EPHA2: variants seen among roughly 807,000 people sequenced by gnomAD.
The protein encoded by EPHA2 is EPH receptor A2.
EPHA2 carries 54 observed loss-of-function variants against 104.9 expected under a neutral mutation model. The ratio of observed to expected loss-of-function variants is 0.51; its 90% CI spans 0.41 to 0.65. The LOEUF (loss-of-function observed/expected upper bound fraction) is 0.65. EPHA2 is among the 30% of genes least tolerant of loss of function. The probability of loss-of-function intolerance (pLI) is 0.00; values close to 1 mark genes in which losing one functional copy is unlikely to be tolerated. For missense variants in EPHA2, 1,117 were observed against 1,369.5 expected (o/e 0.82, Z 2.91); for synonymous variants, 560 against 559.1 (o/e 1.00, Z -0.02).
In EPHA2 at chr1:16,133,352, C is replaced by T. The variant is rs1173649630; in HGVS notation, c.1881G>A (p.Val627=). Residue 627 remains valine, a synonymous_variant, in exon 11 of 17, where the codon GTG becomes GTA. Transcript: ENST00000358432. ...KVIGAGEFGE[V]YKGMLKTSSG... is the part of the protein sequence containing the mutation. ...AGGATGTCTTCAGCATGCCCTTGTA[C>T]ACCTCCCCAAACTCTCCTGTGGGCA... 1.2e-6 allele frequency: 2 copies of T among 1,613,860 alleles called. No individual in the cohort carries two copies. Among genetic ancestry groups the T allele is most frequent in the Admixed American group, 1.7e-5 (1 of 60,016 alleles).
intron 5 of EPHA2, among the ~76,000 whole-genome samples, chr1:16,136,701 AG>A (rs1376668792): frequency 1.0e-5 from 1 of 96,696 alleles, no homozygotes; most frequent in Non-Finnish European, 1.8e-5. Context: ...AGGAAGAAGA[AG>A]AAGAAGAAGA....
chr1:16,132,509 G>T lies in EPHA2; in HGVS notation c.2054-70C>A, dbSNP rs372370904. ...TGTGGGAGAGGTGGGCACAGATATG[G>T]GGGAAGGTGGGCACAGGTGTAGGAG... On this transcript the variant is annotated intron_variant, in intron 11 of 16. Coordinates refer to ENST00000358432, the MANE Select transcript of EPHA2 (RefSeq NM_004431.5). The T allele has an allele frequency of 1.9e-5, 30 of 1,561,616 alleles. No individual in the cohort carries two copies. In the African/African-American group the frequency reaches 3.4e-4, roughly 18 times the overall value.
At position 16,131,742 on chromosome 1, in the gene EPHA2, G is replaced by T; in HGVS notation, c.2454C>A (p.Tyr818Ter). The T allele has an allele frequency of 6.2e-7, 1 of 1,614,120 alleles. No homozygotes were observed. The highest frequency in any genetic ancestry group is 8.5e-7 in the Non-Finnish European group (1 of 1,180,032). ...CCACCTCGTGGTTGGACAACTCCCA[G>T]TAGGGCCGCTCGCCATAGGTCATCA... ...WEVMTYGERP[Y>*]WELSNHEVMK... The change falls in exon 14 of 17, where the codon TAC becomes TAA. Residue 818 changes from tyrosine to a stop codon, truncating the protein, a stop_gained. Transcript: ENST00000358432. LOFTEE classifies it high-confidence loss of function. This position sits in a 1 kb window ranked among gnomAD's most constrained non-coding sequence, Gnocchi z 5.2.
At chr1:16,129,391 G>A in intron 16 of EPHA2, 43 bp downstream of exon 16, 5 of 1,602,826 alleles carry the variant, frequency 3.1e-6, no homozygotes, top group Non-Finnish European at 4.2e-6. Flanking sequence ...CCTCTGGAGT[G>A]GGAGGCGGGA....
chr1:16,144,058 T>C (rs2024881235), intron 3 of EPHA2, among the ~76,000 whole-genome samples: 1 of 152,164 alleles, frequency 6.6e-6, no homozygotes, highest in African/African-American at 2.4e-5. Flanking sequence ...CTACCGCTCC[T>C]GTCCTGCCTC....
Position 16,134,691 on chromosome 1 carries a change from A to C in EPHA2, c.1583-124T>G. The C allele has an allele frequency of 9.6e-7, 1 of 1,043,620 alleles. No homozygotes were observed. Among genetic ancestry groups the C allele is most frequent in the South Asian group, 1.4e-5 (1 of 73,792 alleles). The allele number at this position is 1,043,620 out of a possible 1,614,324, so 64.6% of individuals were successfully genotyped here. On this transcript the variant is annotated intron_variant, in intron 7 of 16. Coordinates refer to ENST00000358432, the MANE Select transcript of EPHA2 (RefSeq NM_004431.5). The surrounding 1 kb of genome is among the most constrained non-coding windows in gnomAD (Gnocchi z 4.5). ...GTGCTTGCACTTGGGAAGGCTCCAGAGGGTACTTAGTCCCATTTCATAGAC... is the reference window on the plus strand; with the variant it reads ...GTGCTTGCACTTGGGAAGGCTCCAGCGGGTACTTAGTCCCATTTCATAGAC...
chr1:16,132,028 G>C (rs760467591), intron 13 of EPHA2, 36 bp downstream of exon 13: 2 of 1,613,576 alleles, frequency 1.2e-6, no homozygotes, highest in Non-Finnish European at 1.7e-6. Context: ...CAGGGCGAAG[G>C]CCGCTTCTCC....
chr1:16,127,889 A>G (rs1347729980), intron 16 of EPHA2, among the ~76,000 whole-genome samples: 1 of 152,190 alleles, frequency 6.6e-6, no homozygotes, highest in Admixed American at 6.5e-5. Context: ...ATTGGCGAGG[A>G]GCACCCTGGG....
chr1:16,147,007 C>T (rs2024946167), intron 3 of EPHA2, among the ~76,000 whole-genome samples: 1 of 152,234 alleles, frequency 6.6e-6, no homozygotes, highest in Admixed American at 6.5e-5. Flanking sequence ...AAAGAAGCTG[C>T]CAGAGAGAGG....
At chr1:16,126,757 G>C (rs1315048978) in intron 16 of EPHA2, among the ~76,000 whole-genome samples, 2 of 152,192 alleles carry the variant, frequency 1.3e-5, no homozygotes, top group East Asian at 3.8e-4. Flanking sequence ...GGGGCAAGGA[G>C]TCTGCATTTG....
chr1:16,134,690 G>A lies in EPHA2; in HGVS notation c.1583-123C>T. On this transcript the variant is annotated intron_variant, in intron 7 of 16. Transcript: ENST00000358432. This position sits in a 1 kb window ranked among gnomAD's most constrained non-coding sequence, Gnocchi z 4.5. ...GGTGCTTGCACTTGGGAAGGCTCCA[G>A]AGGGTACTTAGTCCCATTTCATAGA... 9.4e-7 allele frequency: 1 copy of A among 1,064,100 alleles called. No individual in the cohort carries two copies. Among genetic ancestry groups the A allele is most frequent in the East Asian group, 2.6e-5 (1 of 38,732 alleles). 65.9% of individuals were successfully genotyped at this position (1,064,100 alleles called of 1,614,324 possible). A position where few individuals can be genotyped will look rare whatever the true frequency, so the allele number is the denominator to read the frequency against.
Position 16,131,134 on chromosome 1 carries a change from A to G in EPHA2, c.2475+587T>C, listed in dbSNP as rs1185395126. Among the ~76,000 whole-genome samples, 1 of 152,156 alleles carries G rather than the reference A, an allele frequency of 6.6e-6. No homozygotes were observed. The highest frequency in any genetic ancestry group is 1.5e-5 in the Non-Finnish European group (1 of 68,030). The stretch of plus-strand genomic sequence containing the variant: ...ACCAAGCACACAGACACACACACAC[A>G]TGCATGCATGCACATGTGCACACAT... On this transcript the variant is annotated intron_variant, in intron 14 of 16. Transcript: ENST00000358432. The surrounding 1 kb of genome is among the most constrained non-coding windows in gnomAD (Gnocchi z 5.2).
In EPHA2 at chr1:16,125,472, C is replaced by A; in HGVS notation, c.2826-152G>T. ...GAGGGTGCCTTGGGGACCTGTAGGG[C>A]AAGAGAGCTCTGGTTAGGTAGGCCT... is the stretch of plus-strand genomic sequence containing the variant. On this transcript the variant is annotated intron_variant, in intron 16 of 16. Transcript: ENST00000358432. This position sits in a 1 kb window ranked among gnomAD's most constrained non-coding sequence, Gnocchi z 4.9. 3.2e-6 allele frequency: 2 copies of A among 627,570 alleles called. No individual in the cohort carries two copies. The highest frequency in any genetic ancestry group is 2.8e-6 in the Non-Finnish European group (1 of 359,906). The allele number at this position is 627,570 out of a possible 1,614,324, so 38.9% of individuals were successfully genotyped here. A position where few individuals can be genotyped will look rare whatever the true frequency, so the allele number is the denominator to read the frequency against.
At chr1:16,151,633 C>G (rs1222763959) in intron 1 of EPHA2, among the ~76,000 whole-genome samples, 1 of 152,154 alleles carries the variant, frequency 6.6e-6, no homozygotes, top group Non-Finnish European at 1.5e-5. Flanking sequence ...CAGGATAAAG[C>G]CCTGGACCCA....
In EPHA2 at chr1:16,124,976, G is replaced by C; in HGVS notation, c.*239C>G. The C allele has an allele frequency of 5.5e-6, 3 of 545,136 alleles. No homozygotes were observed. The South Asian group carries it at 6.4e-5, about 12-fold the overall frequency. The allele number at this position is 545,136 out of a possible 1,614,324, so 33.8% of individuals were successfully genotyped here. On this transcript the variant is annotated 3_prime_UTR_variant, in exon 17 of 17. Coordinates refer to ENST00000358432, the MANE Select transcript of EPHA2 (RefSeq NM_004431.5). ...TGCTCCAGGGATGCTGGGACGTGGC[G>C]GTGCCTGCTAAGTGCTCAGCTGTGT...
Position 16,135,445 on chromosome 1 carries a change from C to T in EPHA2, c.1428+210G>A, listed in dbSNP as rs952729724. On this transcript the variant is annotated intron_variant, in intron 6 of 16. Transcript: ENST00000358432. This position sits in a 1 kb window ranked among gnomAD's most constrained non-coding sequence, Gnocchi z 4.3. ...CTGCCCCTGTCCTCACCCTGACTGC[C>T]TCTTCCAAGGACGCCATGTCTTCTC... 8.5e-6 allele frequency: 6 copies of T among 702,152 alleles called. No individual in the cohort carries two copies. The Admixed American group carries it at 1.3e-4, about 15-fold the overall frequency. The allele number at this position is 702,152 out of a possible 1,614,324, so 43.5% of individuals were successfully genotyped here.
At position 16,125,026 on chromosome 1, in the gene EPHA2, A is replaced by AT; in HGVS notation, c.*188_*189insA. On this transcript the variant is annotated 3_prime_UTR_variant, in exon 17 of 17. Transcript: ENST00000358432. The surrounding 1 kb of genome is among the most constrained non-coding windows in gnomAD (Gnocchi z 4.9). ...TGCGTCTCGCAGGGAAAGAGGGCCC[A>AT]GCCCAGCATCCCTGGTCATCTCCTC... The AT allele has an allele frequency of 1.6e-6, 1 of 633,316 alleles. No homozygotes were observed. Among genetic ancestry groups the AT allele is most frequent in the Non-Finnish European group, 2.9e-6 (1 of 347,256 alleles). 39.2% of individuals were successfully genotyped at this position (633,316 alleles called of 1,614,324 possible). A position where few individuals can be genotyped will look rare whatever the true frequency, so the allele number is the denominator to read the frequency against.
Position 16,148,450 on chromosome 1 carries a change from C to T in EPHA2, c.751G>A (p.Gly251Ser), listed in dbSNP as rs779038614. 8.1e-6 allele frequency: 13 copies of T among 1,613,920 alleles called. No individual in the cohort carries two copies. The highest frequency in any genetic ancestry group is 1.0e-5 in the Non-Finnish European group (12 of 1,180,048). ...EEPRMHCAVD[G>S]EWLVPIGQCL... ...TGCCCAATGGGCACCAGCCACTCGC[C>T]ATCCACTGCACAGTGCATACGGGGC... Residue 251 changes from glycine to serine, a missense_variant, in exon 3 of 17, where the codon GGC becomes AGC. Gly to Ser is a moderately conservative substitution (Grantham distance 56). Transcript: ENST00000358432. This position sits in a 1 kb window ranked among gnomAD's most constrained non-coding sequence, Gnocchi z 4.9.
At chr1:16,143,070 G>C (rs2024856528) in intron 3 of EPHA2, among the ~76,000 whole-genome samples, 1 of 135,676 alleles carries the variant, frequency 7.4e-6, no homozygotes, top group Non-Finnish European at 1.6e-5. Context: ...GGTGGAGGGG[G>C]GTATGAGTGG....
Sources: allele counts gnomAD v4.1 joint callset (sites outside exome capture counted in the v4.1 genomes callset), GRCh38; gene constraint gnomAD v4.1.1; non-coding constraint Gnocchi (gnomAD v3.1); transcripts MANE v1.5; gene names NCBI Gene and HGNC (gene_info 2026-07-23, HGNC 2026-07-21).